IQCF2: variants seen among roughly 807,000 people sequenced by gnomAD.
The protein encoded by IQCF2 is IQ domain-containing protein F2.
IQCF2 carries 6 observed loss-of-function variants against 7.0 expected under a neutral mutation model. The observed-to-expected ratio is 0.86, with a 90% CI of 0.47 to 1.70. The LOEUF is 1.70. Ranked by LOEUF, IQCF2 falls within the 40% of genes most tolerant of loss-of-function variation. IQCF2 has a pLI of 0.01. For synonymous variants in IQCF2, 67 were observed against 74.0 expected, an observed-to-expected ratio of 0.91 and a Z score of 0.48; for missense variants, 174 against 204.6, an observed-to-expected ratio of 0.85 and a Z score of 0.91.
Position 51,863,093 on chromosome 3 carries a change from T to C in IQCF2, c.218T>C (p.Ile73Thr). ...CATGCAGCCCTCAGGGCCTGGATAA[T>C]TCAGTGCTGGTGGCGGATGACGCTG... ...LLHAALRAWI[I>T]QCWWRMTLSR... is the part of the protein sequence containing the mutation. The change falls in exon 3 of 3, where the codon ATT becomes ACT. Residue 73 changes from isoleucine to threonine, a missense_variant. Coordinates refer to ENST00000333127, the MANE Select transcript of IQCF2 (RefSeq NM_203424.2). 6.2e-7 allele frequency: 1 copy of C among 1,614,252 alleles called. No individual in the cohort carries two copies. Among genetic ancestry groups the C allele is most frequent in the Non-Finnish European group, 8.5e-7 (1 of 1,180,048 alleles).
At position 51,863,422 on chromosome 3, in the gene IQCF2, G is replaced by A. The variant is rs748131462; in HGVS notation, c.*52G>A. On this transcript the variant is annotated 3_prime_UTR_variant, in exon 3 of 3. Coordinates refer to ENST00000333127, the MANE Select transcript of IQCF2 (RefSeq NM_203424.2). ...ACTGTCCCTATTAAAGGTCTAACCTGGTCTGGTGTGTCTCATGGGCTCCCC... is the reference window on the plus strand; with the variant it reads ...ACTGTCCCTATTAAAGGTCTAACCTAGTCTGGTGTGTCTCATGGGCTCCCC... The A allele has an allele frequency of 6.5e-7, 1 of 1,538,566 alleles. No individual in the cohort carries two copies. The highest frequency in any genetic ancestry group is 1.4e-5 in the African/African-American group (1 of 73,034).
At position 51,863,180 on chromosome 3, in the gene IQCF2, C is replaced by T. The variant is rs745657438; in HGVS notation, c.305C>T (p.Ala102Val). Residue 102 changes from alanine to valine, a missense_variant, in exon 3 of 3, where the codon GCA (alanine) becomes GTA (valine). Physicochemically the swap from Ala to Val is moderately conservative, Grantham distance 64. Transcript: ENST00000333127. ...ATCGCCTACGCAACCAGAGAGAGGG[C>T]AGTGATCAAGCTCCAGTCTTTGGTC... ...ALIAYATRER[A>V]VIKLQSLVRM... The T allele has an allele frequency of 2.5e-6, 4 of 1,614,196 alleles. No homozygotes were observed. Among genetic ancestry groups the T allele is most frequent in the Middle Eastern group, 1.6e-4 (1 of 6,062 alleles).
rs984409804 is a variant in IQCF2 at position 51,862,845 on chromosome 3, G to A, written c.112-142G>A. 4 of 974,346 alleles carry A rather than the reference G, an allele frequency of 4.1e-6. No individual in the cohort carries two copies. In the Admixed American group the frequency reaches 9.2e-5, roughly 22 times the overall value. 60.4% of individuals were successfully genotyped at this position (974,346 alleles called of 1,614,324 possible). A position where few individuals can be genotyped will look rare whatever the true frequency, so the allele number is the denominator to read the frequency against. ...AGGAAGGTCACCACCAGGTCTGATG[G>A]CTCCTAGTCAGTGTCCTGCTAACTT... On this transcript the variant is annotated intron_variant, in intron 2 of 2. Transcript: ENST00000333127.
intron 1 of IQCF2, 63 bp from the exon 2 acceptor site, chr3:51,861,795 T>TAG: frequency 6.4e-7 from 1 of 1,563,824 alleles, no homozygotes; most frequent in Non-Finnish European, 8.8e-7. Flanking sequence ...TGTCTTTGTA[T>TAG]AGAGCCATAG....
In IQCF2 at chr3:51,861,637, C is replaced by G; in HGVS notation, c.-30C>G. On this transcript the variant is annotated 5_prime_UTR_variant, in exon 1 of 3. It adds an upstream start codon to the 5' untranslated region. Transcript: ENST00000333127. ...GCCAGACCTTGGGAAGCAGAGAAAT[C>G]AGGGCTAATGAACCATCTAAGGACA... The G allele has an allele frequency of 6.2e-7, 1 of 1,613,898 alleles. No homozygotes were observed.
At position 51,861,919 on chromosome 3, in the gene IQCF2, C is replaced by T. The variant is rs1698641073; in HGVS notation, c.80C>T (p.Thr27Ile). ...GTTGAAGAAAGCATTGAATGGAAGA[C>T]ATTGCAGAAGAAGAAACAGCAGAAA... is the stretch of plus-strand genomic sequence containing the variant. ...EDVEESIEWK[T>I]LQKKKQQKIK... is the part of the protein sequence containing the mutation. Residue 27 changes from threonine to isoleucine, a missense_variant, in exon 2 of 3, where the codon ACA (threonine) becomes ATA (isoleucine). Transcript: ENST00000333127. The T allele has an allele frequency of 6.2e-7, 1 of 1,613,704 alleles. No individual in the cohort carries two copies. The highest frequency in any genetic ancestry group is 1.3e-5 in the African/African-American group (1 of 75,032).
In IQCF2 at chr3:51,863,233, T is replaced by C; in HGVS notation, c.358T>C (p.Cys120Arg). Residue 120 changes from cysteine to arginine, a missense_variant, in exon 3 of 3, where the codon TGC becomes CGC. Physicochemically the swap from Cys to Arg is radical, Grantham distance 180 (BLOSUM62 -3). Transcript: ENST00000333127. ...TATGTGGCGTGTCCGCTGGCGATAC[T>C]GCCAGGTGCTCAATGCCATCTACAT... ...VRMWRVRWRY[C>R]QVLNAIYIIQ... 6.2e-7 allele frequency: 1 copy of C among 1,614,222 alleles called. No individual in the cohort carries two copies.
In IQCF2 at chr3:51,863,222, G is replaced by T. The variant is rs369854806; in HGVS notation, c.347G>T (p.Arg116Leu). The T allele has an allele frequency of 6.2e-7, 1 of 1,614,088 alleles. No individual in the cohort carries two copies. Among genetic ancestry groups the T allele is most frequent in the Non-Finnish European group, 8.5e-7 (1 of 1,180,040 alleles). Reference protein sequence around the residue: ...LQSLVRMWRVRWRYCQVLNAI... With the variant: ...LQSLVRMWRVLWRYCQVLNAI... The stretch of plus-strand genomic sequence containing the variant: ...TCTTTGGTCCGTATGTGGCGTGTCC[G>T]CTGGCGATACTGCCAGGTGCTCAAT... The change falls in exon 3 of 3, where the codon CGC becomes CTC. Residue 116 changes from arginine (R) to leucine (L), a missense_variant. Transcript: ENST00000333127.
intron 2 of IQCF2, 41 bp from the exon 3 acceptor site, chr3:51,862,946 G>T: frequency 6.4e-7 from 1 of 1,550,520 alleles, no homozygotes; most frequent in Middle Eastern, 1.7e-4. Context: ...AGAAGTTGGT[G>T]GCAGGAAGTT....
At position 51,861,907 on chromosome 3, in the gene IQCF2, T is replaced by A; in HGVS notation, c.68T>A (p.Ile23Asn). Reference sequence around the variant, plus strand: ...ATAATTGAGGATGTTGAAGAAAGCATTGAATGGAAGACATTGCAGAAGAAG... The same window carrying A: ...ATAATTGAGGATGTTGAAGAAAGCAATGAATGGAAGACATTGCAGAAGAAG... ...LVIIEDVEES[I>N]EWKTLQKKKQ... The change falls in exon 2 of 3, where the codon ATT becomes AAT. Residue 23 changes from isoleucine to asparagine, a missense_variant. By Grantham distance (149) the Ile-to-Asn change is moderately radical (BLOSUM62 -3). Transcript: ENST00000333127. 6.2e-7 allele frequency: 1 copy of A among 1,614,058 alleles called. No individual in the cohort carries two copies. Among genetic ancestry groups the A allele is most frequent in the Non-Finnish European group, 8.5e-7 (1 of 1,179,936 alleles).
Position 51,863,377 on chromosome 3 carries a change from G to A in IQCF2, c.*7G>A. On this transcript the variant is annotated 3_prime_UTR_variant, in exon 3 of 3. Transcript: ENST00000333127. ...TGAGATCATCAACTCCTAAGGGCTG[G>A]CAAGAAGGGCACTGTGTCTACTGTC... 6.2e-7 allele frequency: 1 copy of A among 1,611,572 alleles called. No individual in the cohort carries two copies. Among genetic ancestry groups the A allele is most frequent in the Non-Finnish European group, 8.5e-7 (1 of 1,178,988 alleles).
At chr3:51,862,335 G>A (rs959659450) in intron 2 of IQCF2, among the ~76,000 whole-genome samples, 6 of 147,044 alleles carry the variant, frequency 4.1e-5, no homozygotes, top group Admixed American at 7.1e-5. Flanking sequence ...CCCGAGAAGC[G>A]GAGCTTGCAG....
At chr3:51,862,873 C>T (rs773067473) in intron 2 of IQCF2, 114 bp from the exon 3 acceptor site, 25 of 1,335,610 alleles carry the variant, frequency 1.9e-5, no homozygotes, top group Non-Finnish European at 2.5e-5. Context: ...GCTAACTTCC[C>T]TGAATTCTGA....
Position 51,861,947 on chromosome 3 carries a change from C to A in IQCF2, c.108C>A (p.Ile36=). The change falls in exon 2 of 3, where the codon ATC becomes ATA. Residue 36 remains isoleucine, a synonymous_variant. Transcript: ENST00000333127. ...TGCAGAAGAAGAAACAGCAGAAAAT[C>A]AAGGTGAGAAGAATTCCATGTACTT... The part of the protein sequence containing the change: ...KTLQKKKQQK[I]KEKLRIRTKA... The A allele has an allele frequency of 6.2e-7, 1 of 1,607,978 alleles. No homozygotes were observed. The highest frequency in any genetic ancestry group is 8.5e-7 in the Non-Finnish European group (1 of 1,174,672).
Position 51,863,108 on chromosome 3 carries a change from G to A in IQCF2, c.233G>A (p.Arg78Gln), listed in dbSNP as rs143033821. ...LRAWIIQCWW[R>Q]MTLSRVLEKK... ...GCCTGGATAATTCAGTGCTGGTGGC[G>A]GATGACGCTGTCGAGGGTGCTGGAG... The change falls in exon 3 of 3, where the codon CGG (arginine) becomes CAG (glutamine). Residue 78 changes from arginine to glutamine, a missense_variant. Arg to Gln is a conservative substitution (Grantham distance 43). Coordinates refer to ENST00000333127, the MANE Select transcript of IQCF2 (RefSeq NM_203424.2). 20 of 1,614,270 alleles carry A rather than the reference G, an allele frequency of 1.2e-5. No homozygotes were observed. Among genetic ancestry groups the A allele is most frequent in the Middle Eastern group, 3.3e-4 (2 of 6,062 alleles).
intron 2 of IQCF2, 81 bp from the exon 3 acceptor site, chr3:51,862,906 G>GA (rs1366494609): frequency 6.7e-7 from 1 of 1,482,668 alleles, no homozygotes; most frequent in Non-Finnish European, 9.0e-7. Flanking sequence ...TTTTGAGAGA[G>GA]AAAATCCAGG....
intron 2 of IQCF2, 44 bp from the exon 3 acceptor site, chr3:51,862,943 G>C (rs1457160205): frequency 8.4e-6 from 13 of 1,547,202 alleles, no homozygotes; most frequent in Non-Finnish European, 7.8e-6. Context: ...CCTAGAAGTT[G>C]GTGGCAGGAA....
rs370695869 is a variant in IQCF2, at chr3:51,861,803, T to C, written c.19-55T>C. On this transcript the variant is annotated intron_variant, in intron 1 of 2. Transcript: ENST00000333127. ...TAGTAATTGTCTTTGTATAGAGCCA[T>C]AGAGAGAAACAGTCTTAACTCATTT... is the stretch of plus-strand genomic sequence containing the variant. 699 of 1,567,644 alleles carry C rather than the reference T, an allele frequency of 4.5e-4. 3 individuals are homozygous for C. In the Middle Eastern group the frequency reaches 0.011, roughly 24 times the overall value.
In IQCF2 at chr3:51,862,994, T is replaced by C. The variant is rs1698653936; in HGVS notation, c.119T>C (p.Leu40Pro). ...KKKQQKIKEK[L>P]RIRTKAAVKI... ...GCTCTTGTCTCTGCCTAGGAAAAACTTAGAATAAGAACAAAAGCAGCTGTA... is the reference window on the plus strand; with the variant it reads ...GCTCTTGTCTCTGCCTAGGAAAAACCTAGAATAAGAACAAAAGCAGCTGTA... Residue 40 changes from leucine to proline, a missense_variant, in exon 3 of 3, where the codon CTT becomes CCT. By Grantham distance (98) the Leu-to-Pro change is moderately conservative (BLOSUM62 -3). Coordinates refer to ENST00000333127, the MANE Select transcript of IQCF2 (RefSeq NM_203424.2). 6.2e-7 allele frequency: 1 copy of C among 1,601,850 alleles called. No individual in the cohort carries two copies. The highest frequency in any genetic ancestry group is 1.7e-5 in the Admixed American group (1 of 59,592).
Sources: allele counts gnomAD v4.1 joint callset (sites outside exome capture counted in the v4.1 genomes callset), GRCh38; gene constraint gnomAD v4.1.1; transcripts MANE v1.5; gene names NCBI Gene and HGNC (gene_info 2026-07-23, HGNC 2026-07-21).